NCKIPSD: variants seen among roughly 807,000 people sequenced by gnomAD.
NCKIPSD encodes the protein NCK interacting protein with SH3 domain.
In NCKIPSD, 48 loss-of-function variants were observed where a neutral mutation model predicts 73.4. That is an observed-to-expected ratio of 0.65 (90% CI 0.52 to 0.83). NCKIPSD has a LOEUF of 0.83. Ranked by LOEUF, NCKIPSD falls within the 40% of genes least tolerant of loss-of-function variation. The probability of loss-of-function intolerance (pLI) is 0.00; values close to 1 mark genes in which losing one functional copy is unlikely to be tolerated. For synonymous variants in NCKIPSD, 422 were observed against 403.6 expected (o/e 1.05, Z -0.54); for missense variants, 884 against 970.2 (o/e 0.91, Z 1.18).
At position 48,674,419 on chromosome 3, in the gene NCKIPSD, G is replaced by T. The variant is rs551764401; in HGVS notation, c.*125C>A. On this transcript the variant is annotated 3_prime_UTR_variant, in exon 13 of 13. Transcript: ENST00000294129. ...CTCTTAAGTTCTACTTCAGGTGGGG[G>T]TCCTGCTCAGGTTCCTTCTGCCACC... 3.4e-6 allele frequency: 5 copies of T among 1,473,090 alleles called. No individual in the cohort carries two copies. Among genetic ancestry groups the T allele is most frequent in the South Asian group, 1.4e-5 (1 of 72,560 alleles). 91.3% of individuals were successfully genotyped at this position (1,473,090 alleles called of 1,614,324 possible).
At chr3:48,680,018 T>C (rs755376605) in intron 6 of NCKIPSD, 41 bp downstream of exon 6, 1 of 1,602,952 alleles carries the variant, frequency 6.2e-7, no homozygotes. Flanking sequence ...TGGGGGCCAC[T>C]GTTCCCCATG....
intron 7 of NCKIPSD, 27 bp downstream of exon 7, chr3:48,679,774 T>G: frequency 6.2e-7 from 1 of 1,614,122 alleles, no homozygotes; most frequent in Non-Finnish European, 8.5e-7. Context: ...GTCTCTCCAT[T>G]ACCCCTCCCC....
chr3:48,674,743 C>T lies in NCKIPSD; in HGVS notation c.1970G>A (p.Arg657His), dbSNP rs758133532. The change falls in exon 13 of 13, where the codon CGC becomes CAC. Residue 657 changes from arginine (R) to histidine (H), a missense_variant. Physicochemically the swap from Arg to His is conservative, Grantham distance 29 (BLOSUM62 0). Coordinates refer to ENST00000294129, the MANE Select transcript of NCKIPSD (RefSeq NM_016453.4). ...ATGCATCAGGGAGAGGTACTCCATG[C>T]GCAGCTGTGGGAAGAGCAGGCCAGC... The part of the protein sequence containing the change: ...IADLSPGDKL[R>H]MEYLSLMHAI... 5.6e-6 allele frequency: 9 copies of T among 1,613,628 alleles called. No homozygotes were observed. The highest frequency in any genetic ancestry group is 1.7e-5 in the Admixed American group (1 of 59,970).
Position 48,685,713 on chromosome 3 carries a change from G to C in NCKIPSD, c.95C>G (p.Ala32Gly). ...CGCCCGCGCGGCCAGCCACCAGTGC[G>C]CGCTGCTTCGCTCTAGCACCAGGAA... ...ETFLVLERSS[A>G]HWWLAARARS... Residue 32 changes from alanine (A) to glycine (G), a missense_variant, in exon 1 of 13, where the codon GCG (alanine) becomes GGG (glycine). By Grantham distance (60) the Ala-to-Gly change is moderately conservative. Coordinates refer to ENST00000294129, the MANE Select transcript of NCKIPSD (RefSeq NM_016453.4). 1 of 1,529,614 alleles carries C rather than the reference G, an allele frequency of 6.5e-7. No homozygotes were observed. The highest frequency in any genetic ancestry group is 8.7e-7 in the Non-Finnish European group (1 of 1,144,584). 94.8% of individuals were successfully genotyped at this position (1,529,614 alleles called of 1,614,324 possible).
intron 12 of NCKIPSD, 97 bp downstream of exon 12, chr3:48,678,467 G>C (rs1285045235): frequency 7.0e-7 from 1 of 1,423,480 alleles, no homozygotes; most frequent in Non-Finnish European, 9.4e-7. Flanking sequence ...CTCCAGCAGT[G>C]GCCTTGCCCC....
At chr3:48,682,260 G>C (rs1021712033) in intron 3 of NCKIPSD, 88 bp downstream of exon 3, 20 of 1,576,146 alleles carry the variant, frequency 1.3e-5, no homozygotes, top group Middle Eastern at 1.8e-4. Context: ...GCTCTGGGCC[G>C]CATCACTCCT....
At position 48,683,020 on chromosome 3, in the gene NCKIPSD, G is replaced by A. The variant is rs2077381430; in HGVS notation, c.172-8C>T. The A allele has an allele frequency of 6.5e-7, 1 of 1,549,454 alleles. No homozygotes were observed. On this transcript the variant is annotated splice_polypyrimidine_tract_variant and splice_region_variant and intron_variant, in intron 1 of 12. Coordinates refer to ENST00000294129, the MANE Select transcript of NCKIPSD (RefSeq NM_016453.4). ...GACATCCTGCTCCAGGCCCTGGGGG[G>A]GGCAGGGGACAGCAGTTAGACCTGA...
At chr3:48,681,090 G>T in intron 5 of NCKIPSD, 197 bp downstream of exon 5, 1 of 803,722 alleles carries the variant, frequency 1.2e-6, no homozygotes, top group Non-Finnish European at 1.9e-6. Flanking sequence ...TGTGGCCCTT[G>T]TCCAGGCTGC....
At chr3:48,684,017 CACAG>C (rs1292208304) in intron 1 of NCKIPSD, among the ~76,000 whole-genome samples, 14 of 148,174 alleles carry the variant, frequency 9.4e-5, no homozygotes, top group East Asian at 6.0e-4. Context: ...CACACACACA[CACAG>C]AGAGAGAGAG....
intron 12 of NCKIPSD, among the ~76,000 whole-genome samples, chr3:48,677,292 G>A (rs1245631337): frequency 6.6e-6 from 1 of 151,872 alleles, no homozygotes; most frequent in African/African-American, 2.4e-5. Flanking sequence ...GGAGGCTGAG[G>A]CAGGAGAATC....
At chr3:48,678,539 C>T (rs763529803) in intron 12 of NCKIPSD, 25 bp downstream of exon 12, 122 of 1,594,488 alleles carry the variant, frequency 7.7e-5, no homozygotes, top group Middle Eastern at 4.1e-4. Context: ...CAGTGACCCC[C>T]GCTGCTGCAG....
chr3:48,680,723 C>T (rs766677474), intron 5 of NCKIPSD, among the ~76,000 whole-genome samples: 10 of 152,142 alleles, frequency 6.6e-5, no homozygotes, highest in Non-Finnish European at 1.3e-4. Flanking sequence ...GTCTGACCCC[C>T]ATCATGTATG....
rs758863895 is a variant in NCKIPSD at position 48,674,659 on chromosome 3, G to A, written c.2054C>T (p.Ala685Val). Residue 685 changes from alanine to valine, a missense_variant, in exon 13 of 13, where the codon GCC becomes GTC. Ala to Val is a moderately conservative substitution (Grantham distance 64). Coordinates refer to ENST00000294129, the MANE Select transcript of NCKIPSD (RefSeq NM_016453.4). The part of the protein sequence containing the change: ...QHRHRLPDLQ[A>V]ILRRILNEEE... ...CTCATTCAGGATGCGTCGCAGTATG[G>A]CCTGCAGGTCGGGTAGCCGGTGGCG... 2.5e-6 allele frequency: 4 copies of A among 1,614,032 alleles called. No individual in the cohort carries two copies. In the South Asian group the frequency reaches 3.3e-5, roughly 13 times the overall value.
chr3:48,679,972 G>C lies in NCKIPSD; in HGVS notation c.1264-85C>G, dbSNP rs2077324167. 7 of 1,610,528 alleles carry C rather than the reference G, an allele frequency of 4.3e-6. No homozygotes were observed. In the Admixed American group the frequency reaches 1.2e-4, roughly 27 times the overall value. Reference sequence around the variant, plus strand: ...AGAGAGGGCTGAGCACATATGTGTAGGGGAGACTCCTAGCACTGTGAGGGA... The same window carrying C: ...AGAGAGGGCTGAGCACATATGTGTACGGGAGACTCCTAGCACTGTGAGGGA... On this transcript the variant is annotated intron_variant, in intron 6 of 12. Transcript: ENST00000294129.
chr3:48,674,827 C>T (rs2077227838), intron 12 of NCKIPSD, 80 bp from the exon 13 acceptor site: 5 of 1,439,074 alleles, frequency 3.5e-6, no homozygotes, highest in East Asian at 2.4e-5. Flanking sequence ...CCCCACTGTC[C>T]CACAGACCCC....
chr3:48,682,133 G>T lies in NCKIPSD; in HGVS notation c.510C>A (p.Ile170=). Residue 170 remains isoleucine, a synonymous_variant, in exon 4 of 13, where the codon ATC becomes ATA. Coordinates refer to ENST00000294129, the MANE Select transcript of NCKIPSD (RefSeq NM_016453.4). ...LYQIPLPSSQ[I]PPQPRRAAPT... ...GTGCTGCTCGGCGAGGCTGTGGTGGGATCTGGGAAGATGGAAGTGGGATCT... is the reference window on the plus strand; with the variant it reads ...GTGCTGCTCGGCGAGGCTGTGGTGGTATCTGGGAAGATGGAAGTGGGATCT... 6.3e-7 allele frequency: 1 copy of T among 1,598,756 alleles called. No homozygotes were observed.
intron 7 of NCKIPSD, 35 bp from the exon 8 acceptor site, chr3:48,679,748 C>T (rs2077317764): frequency 6.2e-7 from 1 of 1,614,054 alleles, no homozygotes; most frequent in African/African-American, 1.3e-5. Flanking sequence ...GTGCCTGGAA[C>T]TCCCCCACTA....
Position 48,679,159 on chromosome 3 carries a change from T to C in NCKIPSD, c.1595A>G (p.Gln532Arg). 1 of 1,614,104 alleles carries C rather than the reference T, an allele frequency of 6.2e-7. No homozygotes were observed. The highest frequency in any genetic ancestry group is 8.5e-7 in the Non-Finnish European group (1 of 1,180,004). The change falls in exon 10 of 13, where the codon CAG (glutamine) becomes CGG (arginine). Residue 532 changes from glutamine (Q) to arginine (R), a missense_variant. By Grantham distance (43) the Gln-to-Arg change is conservative. Coordinates refer to ENST00000294129, the MANE Select transcript of NCKIPSD (RefSeq NM_016453.4). Reference sequence around the variant, plus strand: ...ATCCTCGACGATGTTCAGTAGGAACTGGGCGAAAGGCGTGCCCAGGTGCTC... The same window carrying C: ...ATCCTCGACGATGTTCAGTAGGAACCGGGCGAAAGGCGTGCCCAGGTGCTC... ...HYEHLGTPFA[Q>R]FLLNIVEDGL...
In NCKIPSD at chr3:48,674,647, C is replaced by T. The variant is rs1018892440; in HGVS notation, c.2066G>A (p.Arg689His). ...RLPDLQAILR[R>H]ILNEEETSPQ... Reference sequence around the variant, plus strand: ...TGAGGTCTCCTCCTCATTCAGGATGCGTCGCAGTATGGCCTGCAGGTCGGG... The same window carrying T: ...TGAGGTCTCCTCCTCATTCAGGATGTGTCGCAGTATGGCCTGCAGGTCGGG... The change falls in exon 13 of 13, where the codon CGC becomes CAC. Residue 689 changes from arginine to histidine, a missense_variant. Coordinates refer to ENST00000294129, the MANE Select transcript of NCKIPSD (RefSeq NM_016453.4). 1.6e-5 allele frequency: 26 copies of T among 1,613,722 alleles called. No individual in the cohort carries two copies. Among genetic ancestry groups the T allele is most frequent in the Middle Eastern group, 1.6e-4 (1 of 6,062 alleles).
Sources: allele counts gnomAD v4.1 joint callset (sites outside exome capture counted in the v4.1 genomes callset), GRCh38; gene constraint gnomAD v4.1.1; transcripts MANE v1.5; gene names NCBI Gene and HGNC (gene_info 2026-07-23, HGNC 2026-07-21).